Variants in CLNK observed in about 807,000 individuals in gnomAD.
CLNK encodes cytokine-dependent hematopoietic cell linker.
A neutral mutation model predicts 68.6 loss-of-function variants in CLNK; 74 were observed. The observed-to-expected ratio is 1.08, with a 90% confidence interval of 0.89 to 1.31. The LOEUF is 1.31. Ranked by LOEUF, CLNK falls within the 50% of genes most tolerant of loss-of-function variation. The pLI is 0.00. For synonymous variants in CLNK, 198 were observed against 172.2 expected (o/e 1.15, Z -1.17); for missense variants, 553 against 515.3 (o/e 1.07, Z -0.71).
At chr4:10,573,048 C>G (rs952900205) in intron 4 of CLNK, among the ~76,000 whole-genome samples, 3 of 152,076 alleles carry the variant, frequency 2.0e-5, no homozygotes, top group African/African-American at 4.8e-5. Context: ...AGGCTATTCT[C>G]GAACTCCTGA....
At chr4:10,528,315 C>T (rs1023545019) in intron 12 of CLNK, among the ~76,000 whole-genome samples, 57 of 152,310 alleles carry the variant, frequency 3.7e-4, no homozygotes, top group Middle Eastern at 3.4e-3. Flanking sequence ...AGTCCACAGT[C>T]GGCTGATGGG....
intron 2 of CLNK, among the ~76,000 whole-genome samples, chr4:10,628,695 G>T (rs1212256875): frequency 6.6e-6 from 1 of 152,126 alleles, no homozygotes; most frequent in African/African-American, 2.4e-5. Context: ...CTCAGAAACC[G>T]ATACCCCAAA....
At chr4:10,579,788 C>T (rs961071294) in intron 4 of CLNK, among the ~76,000 whole-genome samples, 1 of 152,140 alleles carries the variant, frequency 6.6e-6, no homozygotes, top group Admixed American at 6.5e-5. Flanking sequence ...CATGGCCACC[C>T]CCACATATCC....
At chr4:10,699,281 C>T in the CLNK span, among the ~76,000 whole-genome samples, 5 of 63,712 alleles carry the variant, frequency 7.8e-5, no homozygotes, top group African/African-American at 3.0e-4. Context: ...ACACACACCA[C>T]ATACGTGTAT....
At chr4:10,531,846 T>G in intron 12 of CLNK, 1 of 462,976 alleles carries the variant, frequency 2.2e-6, no homozygotes. Context: ...TACCCAGGTC[T>G]TGTGCAACTT....
intron 14 of CLNK, among the ~76,000 whole-genome samples, chr4:10,523,580 G>T (rs1414948605): frequency 6.7e-6 from 1 of 148,874 alleles, no homozygotes; most frequent in Non-Finnish European, 1.5e-5. Flanking sequence ...GAAAAATCAA[G>T]GGTCTTTATG....
chr4:10,560,850 A>G (rs1241388543), intron 7 of CLNK, among the ~76,000 whole-genome samples: 2 of 152,112 alleles, frequency 1.3e-5, no homozygotes, highest in Admixed American at 1.3e-4. Flanking sequence ...TGCTTGCCAT[A>G]AATACTTGAT....
the CLNK span, among the ~76,000 whole-genome samples, chr4:10,690,289 A>T: frequency 1.3e-5 from 2 of 152,184 alleles, no homozygotes; most frequent in African/African-American, 2.4e-5. Context: ...AGAACCCAAC[A>T]TGGGTAAATC....
At chr4:10,539,997 G>A (rs530495524) in intron 11 of CLNK, among the ~76,000 whole-genome samples, 27 of 152,286 alleles carry the variant, frequency 1.8e-4, no homozygotes, top group Admixed American at 3.9e-4. Flanking sequence ...TCAAAACACA[G>A]GTTTCTAGAA....
chr4:10,509,111 A>AAT (rs1560193789), intron 16 of CLNK, among the ~76,000 whole-genome samples: 1 of 151,452 alleles, frequency 6.6e-6, no homozygotes, highest in East Asian at 1.9e-4. Context: ...GTCTCAAAAA[A>AAT]AAAAAAAAAA....
intron 4 of CLNK, among the ~76,000 whole-genome samples, chr4:10,582,470 T>C (rs1191420287): frequency 6.6e-6 from 1 of 152,222 alleles, no homozygotes; most frequent in Non-Finnish European, 1.5e-5. Flanking sequence ...AATGTTTTTA[T>C]TATACGTGGA....
At chr4:10,499,414 A>G (rs1206528230) in intron 18 of CLNK, among the ~76,000 whole-genome samples, 3 of 152,204 alleles carry the variant, frequency 2.0e-5, no homozygotes, top group Non-Finnish European at 4.4e-5. Flanking sequence ...TATTCCTAAC[A>G]GTGGTGAACT....
chr4:10,596,508 A>G (rs1338219180), intron 3 of CLNK, among the ~76,000 whole-genome samples: 1 of 152,228 alleles, frequency 6.6e-6, no homozygotes, highest in East Asian at 1.9e-4. Context: ...TGATAATTAT[A>G]ATTTTTACAG....
rs561686568 is a variant in CLNK at position 10,551,843 on chromosome 4, T to C, written c.445+6564A>G. ...TGCAAAGATTATATCAGTGAGAGAA[T>C]TGTAATTTTTTTTTTTTTTTTTGAG... On this transcript the variant is annotated intron_variant, in intron 8 of 18. Transcript: ENST00000226951. Among the ~76,000 whole-genome samples, 11 of 147,990 alleles carry C rather than the reference T, an allele frequency of 7.4e-5. No individual in the cohort carries two copies. In the South Asian group the frequency reaches 2.2e-3, roughly 29 times the overall value.
intron 15 of CLNK, among the ~76,000 whole-genome samples, chr4:10,514,972 C>T (rs1335625650): frequency 1.3e-5 from 2 of 152,228 alleles, no homozygotes; most frequent in African/African-American, 4.8e-5. Context: ...TGTGGTGGCT[C>T]ATGCCTGTAA....
At chr4:10,672,092 A>C (rs181592773) in intron 1 of CLNK, among the ~76,000 whole-genome samples, 1 of 152,320 alleles carries the variant, frequency 6.6e-6, no homozygotes, top group Admixed American at 6.5e-5. Flanking sequence ...CCCTAAAAAA[A>C]CCACCTAAAG....
At chr4:10,674,219 G>A (rs1724780682) in intron 1 of CLNK, among the ~76,000 whole-genome samples, 1 of 151,544 alleles carries the variant, frequency 6.6e-6, no homozygotes, top group Non-Finnish European at 1.5e-5. Context: ...CAGGCAGAAG[G>A]AGACGTGTTG....
At chr4:10,558,858 G>T (rs1719781043) in intron 7 of CLNK, among the ~76,000 whole-genome samples, 1 of 152,158 alleles carries the variant, frequency 6.6e-6, no homozygotes, top group South Asian at 2.1e-4. Flanking sequence ...TCAGGGTATG[G>T]CCTCATGGGA....
intron 14 of CLNK, among the ~76,000 whole-genome samples, chr4:10,524,454 C>A (rs1223791950): frequency 1.3e-5 from 2 of 152,212 alleles, no homozygotes; most frequent in Non-Finnish European, 2.9e-5. Context: ...AAAAGTCAGG[C>A]AGCCTGGCTT....
Sources: gnomAD v4.1 joint callset for allele counts (sites outside exome capture counted in the v4.1 genomes callset) on GRCh38, gnomAD v4.1.1 for gene constraint, MANE v1.5 for transcripts, NCBI Gene and HGNC (gene_info 2026-07-23, HGNC 2026-07-21) for gene names.